URI1: variants seen among roughly 807,000 people sequenced by gnomAD.
URI1 encodes unconventional prefoldin RPB5 interactor 1.
Under a neutral mutation model 60.2 loss-of-function variants are expected in URI1, and 39 were observed. The observed-to-expected ratio is 0.65, with a 90% confidence interval of 0.50 to 0.85. URI1 has a LOEUF of 0.85. Ranked by LOEUF, URI1 falls within the 40% of genes least tolerant of loss-of-function variation. URI1 has a pLI of 0.00. For missense variants in URI1, 691 were observed against 665.9 expected (o/e 1.04, Z -0.42); for synonymous variants, 251 against 236.8 (o/e 1.06, Z -0.55).
chr19:29,967,897 T>C (rs894514928), intron 1 of URI1, among the ~76,000 whole-genome samples: 3 of 152,356 alleles, frequency 2.0e-5, no homozygotes, highest in East Asian at 1.9e-4. Flanking sequence ...ACCGCCTCCA[T>C]TGAACTCTTT....
intron 1 of URI1, among the ~76,000 whole-genome samples, chr19:29,961,675 G>GTTTTTTTTTT (rs200425572): frequency 4.3e-5 from 5 of 117,608 alleles, no homozygotes; most frequent in Non-Finnish European, 5.4e-5. Context: ...TTTTTTTTTT[G>GTTTTTTTTTT]TTTTTTTTTT....
intron 2 of URI1, among the ~76,000 whole-genome samples, chr19:29,974,102 G>C (rs2055491687): frequency 6.6e-6 from 1 of 152,028 alleles, no homozygotes; most frequent in African/African-American, 2.4e-5. Flanking sequence ...TTTGAATCCT[G>C]TCATTTACTA....
intron 2 of URI1, among the ~76,000 whole-genome samples, chr19:29,979,082 C>T (rs1189750538): frequency 5.3e-5 from 8 of 152,018 alleles, no homozygotes; most frequent in Non-Finnish European, 1.0e-4. Context: ...TTACTTTTTT[C>T]TAAAATATGC....
At chr19:29,988,080 A>G (rs376790107) in intron 4 of URI1, among the ~76,000 whole-genome samples, 31 of 151,880 alleles carry the variant, frequency 2.0e-4, no homozygotes, top group African/African-American at 7.2e-4. Context: ...AGACAGGAGA[A>G]TCACTTGAAC....
intron 1 of URI1, among the ~76,000 whole-genome samples, chr19:29,964,459 G>GTTTTTTTTTTTT (rs202018051): frequency 3.0e-5 from 4 of 133,382 alleles, no homozygotes; most frequent in South Asian, 2.5e-4. Flanking sequence ...TTTGTTTTTT[G>GTTTTTTTTTTTT]TTTTGTTTTT....
At chr19:30,008,594 A>G (rs981267813) in intron 7 of URI1, among the ~76,000 whole-genome samples, 2 of 152,102 alleles carry the variant, frequency 1.3e-5, no homozygotes, top group Non-Finnish European at 2.9e-5. Context: ...AAAAATTACA[A>G]TAATACATGC....
intron 1 of URI1, among the ~76,000 whole-genome samples, chr19:29,960,423 C>G (rs779488470): frequency 4.0e-5 from 6 of 151,598 alleles, no homozygotes; most frequent in Non-Finnish European, 8.8e-5. Context: ...TTTTTTTAAC[C>G]TTTGCTTTAT....
intron 1 of URI1, among the ~76,000 whole-genome samples, chr19:29,955,234 G>C (rs1352665296): frequency 1.3e-5 from 2 of 151,892 alleles, no homozygotes; most frequent in Non-Finnish European, 2.9e-5. Context: ...AAAGTGCTGA[G>C]ATTACAGGCG....
chr19:29,988,129 C>G (rs542560177), intron 4 of URI1, among the ~76,000 whole-genome samples: 9 of 147,158 alleles, frequency 6.1e-5, no homozygotes, highest in Middle Eastern at 3.6e-3. Context: ...GATTGTGCCA[C>G]TGCACTCCAG....
chr19:29,995,691 A>G (rs572741297), intron 4 of URI1, among the ~76,000 whole-genome samples: 1 of 149,680 alleles, frequency 6.7e-6, no homozygotes, highest in East Asian at 1.9e-4. Context: ...TATCTAAGAA[A>G]TTGTTGCCAA....
chr19:30,000,035 A>G (rs1043628757), intron 4 of URI1, among the ~76,000 whole-genome samples: 2 of 151,492 alleles, frequency 1.3e-5, no homozygotes, highest in African/African-American at 4.8e-5. Context: ...TAAGAGGACC[A>G]TGTAGCATTT....
intron 2 of URI1, among the ~76,000 whole-genome samples, chr19:29,979,203 A>G (rs754869819): frequency 2.6e-5 from 4 of 152,226 alleles, no homozygotes; most frequent in Non-Finnish European, 4.4e-5. Context: ...TAAACTCATC[A>G]CACCTTTTCT....
At chr19:29,935,666 T>C (rs1369685660) in intron 1 of URI1, among the ~76,000 whole-genome samples, 1 of 151,784 alleles carries the variant, frequency 6.6e-6, no homozygotes, top group Non-Finnish European at 1.5e-5. Context: ...TCCTGAAGGA[T>C]AGTTTGTCTG....
chr19:29,990,770 A>G (rs1774334328), intron 4 of URI1, among the ~76,000 whole-genome samples: 1 of 152,218 alleles, frequency 6.6e-6, no homozygotes, highest in African/African-American at 2.4e-5. Context: ...AGGGGCAATG[A>G]AAATACAAAA....
At chr19:29,930,013 C>T (rs1337037374) in intron 1 of URI1, among the ~76,000 whole-genome samples, 3 of 148,778 alleles carry the variant, frequency 2.0e-5, no homozygotes, top group Non-Finnish European at 4.4e-5. Flanking sequence ...GATCTCAGCT[C>T]ACTGCAACCT....
intron 1 of URI1, among the ~76,000 whole-genome samples, chr19:29,926,626 T>C (rs767992138): frequency 1.3e-5 from 2 of 152,200 alleles, no homozygotes; most frequent in African/African-American, 2.4e-5. Flanking sequence ...ATATACAGGA[T>C]TGCTCACTTT....
chr19:29,993,447 G>A (rs2055771216), intron 4 of URI1, among the ~76,000 whole-genome samples: 2 of 152,138 alleles, frequency 1.3e-5, no homozygotes, highest in African/African-American at 4.8e-5. Context: ...TAATGTTGTG[G>A]TTCCCAAACT....
chr19:29,940,401 C>G (rs1227994179), upstream of URI1, among the ~76,000 whole-genome samples: 2 of 152,186 alleles, frequency 1.3e-5, no homozygotes, highest in African/African-American at 2.4e-5. Context: ...GTAATCCCAG[C>G]ACTTTAGGAG....
upstream of URI1, among the ~76,000 whole-genome samples, chr19:29,941,328 C>G (rs964542573): frequency 6.6e-6 from 1 of 152,112 alleles, no homozygotes; most frequent in Non-Finnish European, 1.5e-5. Flanking sequence ...ATAATTGGAA[C>G]GGCCAGGTGT....
Sources: gnomAD v4.1 joint callset for allele counts (sites outside exome capture counted in the v4.1 genomes callset) on GRCh38, gnomAD v4.1.1 for gene constraint, MANE v1.5 for transcripts, NCBI Gene and HGNC (gene_info 2026-07-23, HGNC 2026-07-21) for gene names.